The following ENPP1 variants were observed in gnomAD, a reference collection of about 807,000 sequenced individuals.
The protein encoded by ENPP1 is ectonucleotide pyrophosphatase/phosphodiesterase family member 1.
ENPP1 carries 73 observed loss-of-function variants against 122.8 expected under a neutral mutation model. The ratio of observed to expected loss-of-function variants is 0.59; its 90% CI spans 0.49 to 0.72. ENPP1 has a LOEUF of 0.72. Ranked by LOEUF, ENPP1 falls within the 30% of genes least tolerant of loss-of-function variation. The probability of loss-of-function intolerance (pLI) is 0.00; values close to 1 mark genes in which losing one functional copy is unlikely to be tolerated. For missense variants in ENPP1, 978 were observed against 1,128.1 expected (o/e 0.87, Z 1.91); for synonymous variants, 367 against 391.6 (o/e 0.94, Z 0.74).
rs756235902 is a variant in ENPP1, at chr6:131,882,443, C to G, written c.2199C>G (p.Thr733=). Reference sequence around the variant, plus strand: ...AATGTTCATTTTATAAAAATAACACCAAAGTGAGTTACGGGTTCCTCTCCC... The same window carrying G: ...AATGTTCATTTTATAAAAATAACACGAAAGTGAGTTACGGGTTCCTCTCCC... ...VHKCSFYKNN[T]KVSYGFLSPP... The change falls in exon 21 of 25, where the codon ACC becomes ACG. Residue 733 remains threonine (T), a synonymous_variant. Coordinates refer to ENST00000647893, the MANE Select transcript of ENPP1 (RefSeq NM_006208.3). 4 of 1,609,022 alleles carry G rather than the reference C, an allele frequency of 2.5e-6. No individual in the cohort carries two copies. The African/African-American group carries it at 5.4e-5, about 22-fold the overall frequency.
At chr6:131,884,818 C>A in intron 22 of ENPP1, 113 bp from the exon 23 acceptor site, 1 of 1,298,262 alleles carries the variant, frequency 7.7e-7, no homozygotes, top group Middle Eastern at 1.8e-4. Context: ...CCAAACTTGA[C>A]TTTATCTTTA....
At chr6:131,841,063 A>T (rs1234020551) in intron 1 of ENPP1, among the ~76,000 whole-genome samples, 1 of 152,232 alleles carries the variant, frequency 6.6e-6, no homozygotes, top group Non-Finnish European at 1.5e-5. Context: ...CGTAACTAAA[A>T]TGATACTGAG....
chr6:131,863,375 G>A (rs1292495146), intron 9 of ENPP1, among the ~76,000 whole-genome samples: 1 of 152,054 alleles, frequency 6.6e-6, no homozygotes, highest in African/African-American at 2.4e-5. Context: ...CTCTTTGGCC[G>A]ATTTGAGCAA....
At chr6:131,845,620 G>T (rs1355962809) in intron 1 of ENPP1, among the ~76,000 whole-genome samples, 1 of 151,632 alleles carries the variant, frequency 6.6e-6, no homozygotes, top group African/African-American at 2.4e-5. Flanking sequence ...ACCATGCTGG[G>T]CTAATTTTTT....
At chr6:131,840,198 T>G (rs1044950243) in intron 1 of ENPP1, among the ~76,000 whole-genome samples, 18 of 152,324 alleles carry the variant, frequency 1.2e-4, no homozygotes, top group African/African-American at 3.8e-4. Context: ...TGGATTCCCT[T>G]TTCAGTAGCA....
chr6:131,874,262 C>A lies in ENPP1; in HGVS notation c.1566-6C>A. ...TACATTTTTAATTCATATATGTCAA[C>A]ATTAGGAATCCCTCAGAAAGGAAAT... is the stretch of plus-strand genomic sequence containing the variant. On this transcript the variant is annotated splice_polypyrimidine_tract_variant and splice_region_variant and intron_variant, in intron 15 of 24. Transcript: ENST00000647893. 2 of 1,524,578 alleles carry A rather than the reference C, an allele frequency of 1.3e-6. No homozygotes were observed. Among genetic ancestry groups the A allele is most frequent in the Non-Finnish European group, 1.8e-6 (2 of 1,099,900 alleles). 94.4% of individuals were successfully genotyped at this position (1,524,578 alleles called of 1,614,324 possible).
At chr6:131,826,497 A>C (rs1781547648) in intron 1 of ENPP1, 1 of 1,080,090 alleles carries the variant, frequency 9.3e-7, no homozygotes, top group Admixed American at 1.8e-5. Flanking sequence ...AAAGATTCTG[A>C]AGATGCTGAC....
chr6:131,838,777 A>C (rs1206389397), intron 1 of ENPP1, among the ~76,000 whole-genome samples: 2 of 152,130 alleles, frequency 1.3e-5, no homozygotes, highest in South Asian at 2.1e-4. Context: ...TCAAGAATGA[A>C]AAAGAACACA....
At chr6:131,878,503 T>A (rs1221995633) in intron 18 of ENPP1, 39 bp from the exon 19 acceptor site, 4 of 1,292,310 alleles carry the variant, frequency 3.1e-6, no homozygotes, top group African/African-American at 1.5e-5. Flanking sequence ...TTAAAACATG[T>A]CTCTCAGTCC....
chr6:131,847,855 AG>A lies in ENPP1; in HGVS notation c.313+9del, dbSNP rs377330284. ...CCAAGCTGTGCCAAAGAAGGTAATT[AG>A]GTGTGTGTGTGTGTGTGTGTGTGTG... On this transcript the variant is annotated splice_region_variant and intron_variant, in intron 2 of 24. Transcript: ENST00000647893. The A allele has an allele frequency of 0.032, 47,415 of 1,491,206 alleles. 1,466 individuals are homozygous for A. The highest frequency in any genetic ancestry group is 0.12 in the African/African-American group (7,803 of 67,742). 92.4% of individuals were successfully genotyped at this position (1,491,206 alleles called of 1,614,324 possible).
intron 1 of ENPP1, chr6:131,827,568 G>C (rs1781560593): frequency 1.7e-6 from 1 of 596,950 alleles, no homozygotes; most frequent in Non-Finnish European, 3.1e-6. Flanking sequence ...TCAATTTAAA[G>C]AGTGATGTAG....
At chr6:131,869,049 G>C (rs1055043284) in intron 12 of ENPP1, among the ~76,000 whole-genome samples, 1 of 152,044 alleles carries the variant, frequency 6.6e-6, no homozygotes, top group Non-Finnish European at 1.5e-5. Flanking sequence ...AGGTGGTTTG[G>C]GGCAAATAAC....
intron 20 of ENPP1, among the ~76,000 whole-genome samples, chr6:131,881,888 A>G (rs1460663174): frequency 6.6e-6 from 1 of 152,092 alleles, no homozygotes; most frequent in Admixed American, 6.6e-5. Flanking sequence ...GCGTGGTGGC[A>G]GATGCCTGTA....
At chr6:131,828,150 G>T in intron 1 of ENPP1, 1 of 578,784 alleles carries the variant, frequency 1.7e-6, no homozygotes, top group South Asian at 1.4e-5. Context: ...ATTCCGAGTG[G>T]GATCGGAAAC....
At position 131,834,674 on chromosome 6, in the gene ENPP1, G is replaced by A. The variant is rs139039540; in HGVS notation, c.241-13102G>A. Among the ~76,000 whole-genome samples, 347 of 152,174 alleles carry A rather than the reference G, an allele frequency of 2.3e-3. 2 individuals carry two copies. The highest frequency in any genetic ancestry group is 8.1e-3 in the African/African-American group (337 of 41,512). On this transcript the variant is annotated intron_variant, in intron 1 of 24. Transcript: ENST00000647893. ...GGCCCCTGAGTTGCTAGGATTACAG[G>A]CGTGTGCCACTACGCCCAGCTAATT...
intron 10 of ENPP1, 73 bp from the exon 11 acceptor site, chr6:131,864,789 CAATT>C (rs1167207745): frequency 1.0e-6 from 1 of 978,464 alleles, no homozygotes; most frequent in East Asian, 2.4e-5. Flanking sequence ...TAATCCCTAT[CAATT>C]GATGAATTAT....
rs138700190 is a variant in ENPP1, at chr6:131,890,457, T to G, written c.2724T>G (p.Val908=). 2.0e-5 allele frequency: 32 copies of G among 1,614,056 alleles called. No homozygotes were observed. In the African/African-American group the frequency reaches 3.2e-4, roughly 16 times the overall value. The part of the protein sequence containing the change: ...LSFYQQRKEP[V]SDILKLKTHL... ...TCTATCAACAAAGAAAAGAGCCAGT[T>G]TCAGACATTTTAAAGTTGAAAACAC... is the stretch of plus-strand genomic sequence containing the variant. Residue 908 remains valine, a synonymous_variant, in exon 25 of 25, where the codon GTT becomes GTG. Transcript: ENST00000647893.
At chr6:131,837,349 A>G (rs949665887) in intron 1 of ENPP1, among the ~76,000 whole-genome samples, 30 of 152,048 alleles carry the variant, frequency 2.0e-4, no homozygotes, top group African/African-American at 7.0e-4. Context: ...AACATGGTGA[A>G]ACCCCGTCTC....
At chr6:131,811,487 T>C (rs1781353913) in intron 1 of ENPP1, among the ~76,000 whole-genome samples, 2 of 151,802 alleles carry the variant, frequency 1.3e-5, no homozygotes, top group South Asian at 4.1e-4. Context: ...CCCAGGAGCA[T>C]AGATTCAAGT....
Sources: allele counts gnomAD v4.1 joint callset (sites outside exome capture counted in the v4.1 genomes callset), GRCh38; gene constraint gnomAD v4.1.1; transcripts MANE v1.5; gene names NCBI Gene and HGNC (gene_info 2026-07-23, HGNC 2026-07-21).